C1QTNF3: variants seen among roughly 807,000 people sequenced by gnomAD.
The protein encoded by C1QTNF3 is complement C1q tumor necrosis factor-related protein 3.
Under a neutral mutation model 32.6 loss-of-function variants are expected in C1QTNF3, and 26 were observed. That is an observed-to-expected ratio of 0.80 (90% CI 0.58 to 1.11). C1QTNF3 has a LOEUF of 1.11. Ranked by LOEUF, C1QTNF3 falls within the 50% of genes least tolerant of loss-of-function variation. The pLI is 0.00. For missense variants in C1QTNF3, 362 were observed against 398.2 expected (o/e 0.91, Z 0.77); for synonymous variants, 155 against 146.0 (o/e 1.06, Z -0.44).
chr5:34,024,656 C>T (rs923452782), intron 4 of C1QTNF3, among the ~76,000 whole-genome samples: 6 of 152,138 alleles, frequency 3.9e-5, no homozygotes, highest in Admixed American at 3.3e-4. Flanking sequence ...TTGGAAAAGA[C>T]CAACATATAT....
At chr5:34,069,682 C>T in the C1QTNF3 span, among the ~76,000 whole-genome samples, 2 of 152,070 alleles carry the variant, frequency 1.3e-5, no homozygotes, top group African/African-American at 4.8e-5. Flanking sequence ...CAAATCTTTA[C>T]CTTAAATAAT....
the C1QTNF3 span, among the ~76,000 whole-genome samples, chr5:34,099,246 T>G: frequency 2.0e-5 from 3 of 152,192 alleles, no homozygotes; most frequent in South Asian, 6.2e-4. Context: ...TCATCATTTT[T>G]TAAACGGCAT....
At chr5:34,154,362 T>C in the C1QTNF3 span, among the ~76,000 whole-genome samples, 1 of 152,234 alleles carries the variant, frequency 6.6e-6, no homozygotes, top group South Asian at 2.1e-4. Flanking sequence ...ATTCGTCCTT[T>C]TTTAATGAGG....
the C1QTNF3 span, among the ~76,000 whole-genome samples, chr5:34,177,981 C>T: frequency 1.1e-4 from 16 of 150,788 alleles, no homozygotes; most frequent in Admixed American, 2.7e-4. Context: ...GAATTCAGAA[C>T]GGGGGCTGGG....
At chr5:34,227,827 T>C in the C1QTNF3 span, among the ~76,000 whole-genome samples, 2 of 151,966 alleles carry the variant, frequency 1.3e-5, no homozygotes, top group Non-Finnish European at 2.9e-5. Context: ...ACTATATCCT[T>C]ACAACTTGTC....
At chr5:34,053,513 T>C in the C1QTNF3 span, among the ~76,000 whole-genome samples, 1 of 152,226 alleles carries the variant, frequency 6.6e-6, no homozygotes, top group African/African-American at 2.4e-5. Flanking sequence ...TCCAGTCAAA[T>C]GCTCATGCTC....
At chr5:34,125,028 T>C in the C1QTNF3 span, among the ~76,000 whole-genome samples, 1 of 152,088 alleles carries the variant, frequency 6.6e-6, no homozygotes, top group Non-Finnish European at 1.5e-5. Context: ...CAAGAGGTGA[T>C]GGAGAGAGGA....
the C1QTNF3 span, among the ~76,000 whole-genome samples, chr5:34,232,677 G>T: frequency 6.6e-6 from 1 of 150,960 alleles, no homozygotes; most frequent in African/African-American, 2.4e-5. Context: ...GATTTTCTGA[G>T]TTTCCTGAGT....
At chr5:34,020,871 T>A in intron 5 of C1QTNF3, 129 bp from the exon 6 acceptor site, 1 of 896,346 alleles carries the variant, frequency 1.1e-6, no homozygotes, top group Non-Finnish European at 1.7e-6. Flanking sequence ...AAACAGCCTG[T>A]GAGCAGAAAT....
the C1QTNF3 span, among the ~76,000 whole-genome samples, chr5:34,161,092 A>C: frequency 2.4e-4 from 37 of 152,182 alleles, no homozygotes; most frequent in Non-Finnish European, 4.6e-4. Flanking sequence ...TGGCAGCTGG[A>C]GATCGCTCAC....
the C1QTNF3 span, among the ~76,000 whole-genome samples, chr5:34,177,394 G>A: frequency 6.6e-6 from 1 of 151,662 alleles, no homozygotes; most frequent in African/African-American, 2.4e-5. Flanking sequence ...CAGACTGACT[G>A]CAGCCTTGAC....
chr5:34,169,241 G>A, the C1QTNF3 span: 1 of 152,014 alleles, frequency 6.6e-6, no homozygotes, highest in Non-Finnish European at 1.5e-5. Flanking sequence ...ACAATTGTGA[G>A]GAAATTATTT....
the C1QTNF3 span, among the ~76,000 whole-genome samples, chr5:34,102,241 C>T: frequency 1.6e-4 from 24 of 152,104 alleles, no homozygotes; most frequent in Admixed American, 8.5e-4. Flanking sequence ...CATCTCATTT[C>T]GTCTGATTTT....
At chr5:34,035,899 G>A (rs545357563) in intron 1 of C1QTNF3, 141 bp from the exon 2 acceptor site, 7 of 597,528 alleles carry the variant, frequency 1.2e-5, no homozygotes, top group African/African-American at 3.8e-5. Context: ...GGATGGGGTG[G>A]AGATATCAAT....
the C1QTNF3 span, among the ~76,000 whole-genome samples, chr5:34,172,795 T>C: frequency 1.3e-5 from 2 of 152,172 alleles, no homozygotes. Context: ...AACTAACTTA[T>C]CTTTTAATAT....
the C1QTNF3 span, among the ~76,000 whole-genome samples, chr5:34,211,233 T>C: frequency 6.6e-6 from 1 of 151,890 alleles, no homozygotes; most frequent in African/African-American, 2.4e-5. Flanking sequence ...AATAATTTAC[T>C]ACTCATATTC....
the C1QTNF3 span, among the ~76,000 whole-genome samples, chr5:34,061,370 T>C: frequency 6.6e-6 from 1 of 152,156 alleles, no homozygotes; most frequent in Non-Finnish European, 1.5e-5. Context: ...TTCTGAGGTC[T>C]GGAGAACAGT....
chr5:34,194,709 T>C, the C1QTNF3 span, among the ~76,000 whole-genome samples: 4 of 152,302 alleles, frequency 2.6e-5, no homozygotes, highest in African/African-American at 7.2e-5. Context: ...TCCGTGAGGA[T>C]AGGAATATAC....
the C1QTNF3 span, among the ~76,000 whole-genome samples, chr5:34,058,238 C>T: frequency 1.3e-5 from 2 of 151,992 alleles, no homozygotes; most frequent in Non-Finnish European, 2.9e-5. Context: ...CCCACCACAC[C>T]CCTTTACCTT....
Sources: gnomAD v4.1 joint callset for allele counts (sites outside exome capture counted in the v4.1 genomes callset) on GRCh38, gnomAD v4.1.1 for gene constraint, MANE v1.5 for transcripts, NCBI Gene and HGNC (gene_info 2026-07-23, HGNC 2026-07-21) for gene names.